Variants in ESR1 observed in about 807,000 individuals in gnomAD.
ESR1 encodes the protein estrogen receptor 1, also known as estrogen receptor.
Under a neutral mutation model 52.7 loss-of-function variants are expected in ESR1, and 12 were observed. That is an observed-to-expected ratio of 0.23 (90% CI 0.15 to 0.37). The LOEUF (loss-of-function observed/expected upper bound fraction) is 0.37, where lower values mean the gene tolerates loss of function less well. ESR1 is among the 10% of genes least tolerant of loss of function. The pLI is 1.00. For synonymous variants in ESR1, 305 were observed against 316.8 expected, an observed-to-expected ratio of 0.96 and a Z score of 0.39; for missense variants, 584 against 779.7, an observed-to-expected ratio of 0.75 and a Z score of 2.99.
At chr6:151,776,559 C>T (rs9479112) in intron 2 of ESR1, among the ~76,000 whole-genome samples, 1 of 152,156 alleles carries the variant, frequency 6.6e-6, no homozygotes, top group Non-Finnish European at 1.5e-5. Flanking sequence ...CCACGGAGGC[C>T]GGCTGGGGTG....
At chr6:151,718,757 G>C (rs1781238432) in intron 2 of ESR1, among the ~76,000 whole-genome samples, 3 of 152,208 alleles carry the variant, frequency 2.0e-5, no homozygotes, top group African/African-American at 7.2e-5. Flanking sequence ...AAGGAGAGCA[G>C]AGTAGAGTGG....
At chr6:151,740,285 A>ATTTTTTTTTTTTTTTTTTTTTT (rs386408967) in intron 2 of ESR1, among the ~76,000 whole-genome samples, 3 of 108,008 alleles carry the variant, frequency 2.8e-5, no homozygotes, top group Non-Finnish European at 5.4e-5. Flanking sequence ...TGCCTGGCTA[A>ATTTTTTTTTTTTTTTTTTTTTT]TTTTTTTTTT....
Position 152,098,754 on chromosome 6 carries a change from T to C in ESR1, c.1576T>C (p.Tyr526His), listed in dbSNP as rs779686273. Residue 526 changes from tyrosine (Y) to histidine (H), a missense_variant, in exon 8 of 8, where the codon TAC becomes CAC. Tyr to His is a moderately conservative substitution (Grantham distance 83, BLOSUM62 2). Coordinates refer to ENST00000206249, the MANE Select transcript of ESR1 (RefSeq NM_000125.4). This position sits in a 1 kb window ranked among gnomAD's most constrained non-coding sequence, Gnocchi z 5.1. ...HMSNKGMEHLYSMKCKNVVPL... is the reference protein window; with the variant it reads ...HMSNKGMEHLHSMKCKNVVPL... Reference sequence around the variant, plus strand: ...CAGTAACAAAGGCATGGAGCATCTGTACAGCATGAAGTGCAAGAACGTGGT... The same window carrying C: ...CAGTAACAAAGGCATGGAGCATCTGCACAGCATGAAGTGCAAGAACGTGGT... 1 of 1,614,140 alleles carries C rather than the reference T, an allele frequency of 6.2e-7. No individual in the cohort carries two copies. Among genetic ancestry groups the C allele is most frequent in the Non-Finnish European group, 8.5e-7 (1 of 1,180,014 alleles).
intron 2 of ESR1, among the ~76,000 whole-genome samples, chr6:151,704,146 G>C (rs1780004260): frequency 6.6e-6 from 1 of 152,224 alleles, no homozygotes; most frequent in South Asian, 2.1e-4. Context: ...TGATAGGTTA[G>C]TGTAGAAGCC....
At chr6:151,682,052 G>C (rs1778480677) in intron 1 of ESR1, among the ~76,000 whole-genome samples, 1 of 152,230 alleles carries the variant, frequency 6.6e-6, no homozygotes, top group Non-Finnish European at 1.5e-5. Flanking sequence ...TCAGCTGTCT[G>C]AGTCCCCGTA....
intron 2 of ESR1, among the ~76,000 whole-genome samples, chr6:151,757,166 C>T (rs1784353911): frequency 6.6e-6 from 1 of 151,846 alleles, no homozygotes; most frequent in African/African-American, 2.4e-5. Context: ...GGTCCTGTTA[C>T]CTCTCTCCTG....
At chr6:151,768,153 AG>A (rs1369362949) in intron 2 of ESR1, among the ~76,000 whole-genome samples, 1 of 152,360 alleles carries the variant, frequency 6.6e-6, no homozygotes, top group East Asian at 1.9e-4. Context: ...TTAATTGCAA[AG>A]GGAAAATAGT....
chr6:151,765,935 T>C (rs546119732), intron 2 of ESR1, among the ~76,000 whole-genome samples: 1 of 152,346 alleles, frequency 6.6e-6, no homozygotes, highest in African/African-American at 2.4e-5. Flanking sequence ...GTTTTGGACA[T>C]GGTGATTCCA....
chr6:152,100,447 C>T lies in ESR1; in HGVS notation c.*1481C>T, dbSNP rs1050043950. ...CGTTCCCTACCGCCTCCACTCCTGC[C>T]AGCTCATTTCCTTCAATTTCCTTTG... On this transcript the variant is annotated 3_prime_UTR_variant, in exon 8 of 8. Coordinates refer to ENST00000206249, the MANE Select transcript of ESR1 (RefSeq NM_000125.4). 2.3e-5 allele frequency: 6 copies of T among 260,970 alleles called. No individual in the cohort carries two copies. Among genetic ancestry groups the T allele is most frequent in the African/African-American group, 1.3e-4 (6 of 46,204 alleles). 16.2% of individuals were successfully genotyped at this position (260,970 alleles called of 1,614,324 possible). A position where few individuals can be genotyped will look rare whatever the true frequency, so the allele number is the denominator to read the frequency against.
chr6:151,822,795 A>G (rs1780779725), intron 1 of ESR1, among the ~76,000 whole-genome samples: 1 of 152,226 alleles, frequency 6.6e-6, no homozygotes, highest in Non-Finnish European at 1.5e-5. Flanking sequence ...AAACTCCTAC[A>G]TAATTTTAGT....
chr6:152,092,966 C>T (rs1448956247), intron 6 of ESR1, among the ~76,000 whole-genome samples: 1 of 152,028 alleles, frequency 6.6e-6, no homozygotes, highest in Admixed American at 6.6e-5. Flanking sequence ...GCTCAAAGGT[C>T]AAGTGAAAAA....
chr6:152,084,331 T>A (rs1245038477), intron 6 of ESR1, among the ~76,000 whole-genome samples: 1 of 151,636 alleles, frequency 6.6e-6, no homozygotes. Flanking sequence ...AAATGATGAG[T>A]TGATGGGTGC....
chr6:151,764,698 A>G (rs191459311), intron 2 of ESR1, among the ~76,000 whole-genome samples: 2 of 152,332 alleles, frequency 1.3e-5, no homozygotes, highest in Admixed American at 1.3e-4. Context: ...CTACCATTTT[A>G]AGATGTCTAT....
intron 1 of ESR1, among the ~76,000 whole-genome samples, chr6:151,677,976 C>A (rs190840114): frequency 1.0e-5 from 1 of 98,360 alleles, no homozygotes; most frequent in Non-Finnish European, 2.4e-5. Flanking sequence ...ATTAATAAAA[C>A]GTAATGAAAG....
At chr6:151,874,464 C>G (rs1288544765) in intron 2 of ESR1, among the ~76,000 whole-genome samples, 1 of 152,170 alleles carries the variant, frequency 6.6e-6, no homozygotes, top group African/African-American at 2.4e-5. Flanking sequence ...AGTACGATTT[C>G]TGACTCCATA....
exon 7 of ESR1, chr6:152,129,456 G>C (rs1374975913): frequency 2.0e-5 from 3 of 152,022 alleles, no homozygotes; most frequent in Non-Finnish European, 4.4e-5. Flanking sequence ...TACTTATAGG[G>C]GGCTGAGCAA....
chr6:151,751,005 G>C (rs796074221), intron 2 of ESR1, among the ~76,000 whole-genome samples: 1 of 152,200 alleles, frequency 6.6e-6, no homozygotes, highest in African/African-American at 2.4e-5. Context: ...CTTAAATAGC[G>C]TAAGAGTCTG....
intron 4 of ESR1, among the ~76,000 whole-genome samples, chr6:151,961,826 C>T (rs1005632100): frequency 1.3e-5 from 2 of 152,160 alleles, no homozygotes; most frequent in African/African-American, 4.8e-5. Context: ...AGCATGGCTG[C>T]TGAGCTGCGT....
intron 2 of ESR1, among the ~76,000 whole-genome samples, chr6:151,877,170 T>G (rs1791983981): frequency 6.6e-6 from 1 of 152,198 alleles, no homozygotes; most frequent in Non-Finnish European, 1.5e-5. Context: ...TGCAGGTTAG[T>G]TACATATGTA....
Sources: gnomAD v4.1 joint callset for allele counts (sites outside exome capture counted in the v4.1 genomes callset) on GRCh38, gnomAD v4.1.1 for gene constraint, Gnocchi (gnomAD v3.1) non-coding constraint, MANE v1.5 for transcripts, NCBI Gene and HGNC (gene_info 2026-07-23, HGNC 2026-07-21) for gene names.